Variants in KCND2 observed in about 807,000 individuals in gnomAD.
KCND2 encodes potassium voltage-gated channel subfamily D member 2.
A neutral mutation model predicts 54.4 loss-of-function variants in KCND2; 16 were observed. The ratio of observed to expected loss-of-function variants is 0.29; its 90% CI spans 0.20 to 0.45. KCND2 has a LOEUF of 0.45. Among genes scored for constraint, KCND2 ranks in the 20% least tolerant of loss-of-function variants. The pLI is 1.00. For missense variants in KCND2, 486 were observed against 824.2 expected (o/e 0.59, Z 5.02); for synonymous variants, 317 against 310.7 (o/e 1.02, Z -0.21).
At chr7:120,629,812 C>A (rs7779895) in intron 1 of KCND2, among the ~76,000 whole-genome samples, 23,160 of 151,920 alleles carry the variant, frequency 0.15, 3,596 homozygotes, top group East Asian at 0.44. Flanking sequence ...ATAAGGGATG[C>A]TTTTAAAGTT....
Position 120,334,968 on chromosome 7 carries a change from G to A in KCND2, c.1115+59221G>A, listed in dbSNP as rs532817996. ...ATGGATAGGACAAGCACCGGATGTG[G>A]AGATGACACCATGAAGAGTACAGCT... is the stretch of plus-strand genomic sequence containing the variant. On this transcript the variant is annotated intron_variant, in intron 1 of 5. Transcript: ENST00000331113. Among the ~76,000 whole-genome samples the A allele has an allele frequency of 5.3e-5, 8 of 152,258 alleles. No individual in the cohort carries two copies. In the East Asian group the frequency reaches 1.4e-3, roughly 26 times the overall value.
chr7:120,731,471 G>A (rs962446183), intron 1 of KCND2, among the ~76,000 whole-genome samples: 1 of 152,190 alleles, frequency 6.6e-6, no homozygotes, highest in Non-Finnish European at 1.5e-5. Flanking sequence ...TGGCCAGTGT[G>A]GCCAGAGGCC....
At chr7:120,608,098 T>C (rs1792905309) in intron 1 of KCND2, among the ~76,000 whole-genome samples, 1 of 152,006 alleles carries the variant, frequency 6.6e-6, no homozygotes, top group Non-Finnish European at 1.5e-5. Context: ...TATCTTTATA[T>C]GTGTATAAAT....
rs1029953275 is a variant in KCND2, at chr7:120,748,916, A to T, written c.*1058A>T. 3.3e-5 allele frequency: 5 copies of T among 151,956 alleles called. No homozygotes were observed. Among genetic ancestry groups the T allele is most frequent in the Non-Finnish European group, 7.4e-5 (5 of 67,874 alleles). 9.4% of individuals were successfully genotyped at this position (151,956 alleles called of 1,614,324 possible). The stretch of plus-strand genomic sequence containing the variant: ...TTTCCTACTTTTGTATTTCCAAAAA[A>T]AATTATCTTGTAAGTAGCTTGTCAT... On this transcript the variant is annotated 3_prime_UTR_variant, in exon 6 of 6. Transcript: ENST00000331113.
At chr7:120,497,075 C>A (rs1247464934) in intron 1 of KCND2, among the ~76,000 whole-genome samples, 1 of 152,120 alleles carries the variant, frequency 6.6e-6, no homozygotes, top group Non-Finnish European at 1.5e-5. Context: ...TAATAACATC[C>A]TTTCTCTGAT....
At chr7:120,702,560 A>T (rs575667453) in intron 1 of KCND2, among the ~76,000 whole-genome samples, 1 of 152,338 alleles carries the variant, frequency 6.6e-6, no homozygotes, top group East Asian at 1.9e-4. Context: ...TCAATAGTAG[A>T]CTGGATAAAG....
chr7:120,409,899 T>C (rs969777964), intron 1 of KCND2, among the ~76,000 whole-genome samples: 2 of 151,902 alleles, frequency 1.3e-5, no homozygotes, highest in Non-Finnish European at 2.9e-5. Flanking sequence ...TTTGATCAAC[T>C]ACAGTTTATC....
At chr7:120,656,363 TA>T (rs1791803306) in intron 1 of KCND2, among the ~76,000 whole-genome samples, 1 of 152,188 alleles carries the variant, frequency 6.6e-6, no homozygotes, top group South Asian at 2.1e-4. Flanking sequence ...TGCTTCCTTA[TA>T]TTACTGTGGA....
chr7:120,594,690 A>T (rs1281234720), intron 1 of KCND2, among the ~76,000 whole-genome samples: 2 of 152,148 alleles, frequency 1.3e-5, no homozygotes, highest in Non-Finnish European at 2.9e-5. Context: ...CTTGCCCCAA[A>T]CTTACTGAGA....
At chr7:120,504,795 A>G (rs559485917) in intron 1 of KCND2, among the ~76,000 whole-genome samples, 17 of 151,792 alleles carry the variant, frequency 1.1e-4, no homozygotes, top group African/African-American at 4.1e-4. Context: ...CAATACACAG[A>G]TGCATTTTTT....
chr7:120,749,199 T>C lies in KCND2; in HGVS notation c.*1341T>C, dbSNP rs1027085732. ...TGTAGAGATACACTGGAGTGCTTTA[T>C]TTAGCAATATTTGATGAAAGCATGC... On this transcript the variant is annotated 3_prime_UTR_variant, in exon 6 of 6. Transcript: ENST00000331113. The C allele has an allele frequency of 1.3e-5, 2 of 151,944 alleles. No homozygotes were observed. Among genetic ancestry groups the C allele is most frequent in the Non-Finnish European group, 2.9e-5 (2 of 67,856 alleles). The allele number at this position is 151,944 out of a possible 1,614,324, so 9.4% of individuals were successfully genotyped here.
In KCND2 at chr7:120,387,726, T is replaced by C. The variant is rs2116043551; in HGVS notation, c.1115+111979T>C. 3.3e-5 allele frequency among the ~76,000 whole-genome samples: 5 copies of C among 152,184 alleles called. No individual in the cohort carries two copies. In the South Asian group the frequency reaches 1.0e-3, roughly 32 times the overall value. ...TCTCTTAACTTTTTTTCTTCCACAA[T>C]TGAGAAGTAAGTGGTGAAATTTTGT... On this transcript the variant is annotated intron_variant, in intron 1 of 5. Transcript: ENST00000331113.
At chr7:120,562,924 T>C (rs1792253041) in intron 1 of KCND2, among the ~76,000 whole-genome samples, 1 of 152,108 alleles carries the variant, frequency 6.6e-6, no homozygotes, top group African/African-American at 2.4e-5. Context: ...ATTAATAAAT[T>C]ATATAAGGTA....
intron 1 of KCND2, among the ~76,000 whole-genome samples, chr7:120,601,192 G>T (rs778525585): frequency 9.5e-4 from 144 of 152,028 alleles, no homozygotes; most frequent in Non-Finnish European, 1.7e-3. Context: ...ATAAATAAGA[G>T]TTACCATATT....
At chr7:120,285,136 G>C (rs1445455885) in intron 1 of KCND2, among the ~76,000 whole-genome samples, 1 of 152,036 alleles carries the variant, frequency 6.6e-6, no homozygotes, top group African/African-American at 2.4e-5. Flanking sequence ...TCAATGATTT[G>C]TCATTGGGTT....
chr7:120,357,341 C>A (rs1321952379), intron 1 of KCND2, among the ~76,000 whole-genome samples: 4 of 152,066 alleles, frequency 2.6e-5, no homozygotes, highest in Non-Finnish European at 5.9e-5. Context: ...ACTCCCAAGT[C>A]AAAATTATTT....
chr7:120,580,324 G>A (rs1792499259), intron 1 of KCND2, among the ~76,000 whole-genome samples: 1 of 152,156 alleles, frequency 6.6e-6, no homozygotes, highest in Non-Finnish European at 1.5e-5. Flanking sequence ...TAACCCTTTA[G>A]GTTTGCCTAA....
At chr7:120,581,107 A>C (rs901868582) in intron 1 of KCND2, among the ~76,000 whole-genome samples, 1 of 152,240 alleles carries the variant, frequency 6.6e-6, no homozygotes, top group Non-Finnish European at 1.5e-5. Flanking sequence ...AATTATGTCT[A>C]ATATAAAGTC....
At chr7:120,599,722 C>A (rs1203049636) in intron 1 of KCND2, among the ~76,000 whole-genome samples, 1 of 151,782 alleles carries the variant, frequency 6.6e-6, no homozygotes, top group African/African-American at 2.4e-5. Context: ...TGACATTTTT[C>A]TATGTAGAAA....
Sources: gnomAD v4.1 joint callset for allele counts (sites outside exome capture counted in the v4.1 genomes callset) on GRCh38, gnomAD v4.1.1 for gene constraint, MANE v1.5 for transcripts, NCBI Gene and HGNC (gene_info 2026-07-23, HGNC 2026-07-21) for gene names.